Variants in NECTIN2 observed in about 807,000 individuals in gnomAD.
NECTIN2 encodes nectin cell adhesion molecule 2, also known as nectin-2.
In NECTIN2, 23 loss-of-function variants were observed where a neutral mutation model predicts 56.9. The observed-to-expected ratio is 0.40, with a 90% CI of 0.29 to 0.57. The LOEUF (loss-of-function observed/expected upper bound fraction) is 0.57. Among genes scored for constraint, NECTIN2 ranks in the 20% least tolerant of loss-of-function variants. The pLI, the probability that NECTIN2 is intolerant of heterozygous loss-of-function variation, is 0.38. For missense variants in NECTIN2, 587 were observed against 718.3 expected (o/e 0.82, Z 2.09); for synonymous variants, 302 against 313.8 (o/e 0.96, Z 0.40).
At chr19:44,849,592 G>A (rs1968877333) in intron 1 of NECTIN2, among the ~76,000 whole-genome samples, 2 of 152,218 alleles carry the variant, frequency 1.3e-5, no homozygotes, top group Non-Finnish European at 2.9e-5. Context: ...GACCCAGCAA[G>A]ATGGGCCAGG....
intron 1 of NECTIN2, among the ~76,000 whole-genome samples, chr19:44,861,930 G>C (rs964467618): frequency 1.3e-5 from 2 of 152,200 alleles, no homozygotes; most frequent in African/African-American, 4.8e-5. Context: ...TATGAAGACA[G>C]TATGGCGATT....
Position 44,865,680 on chromosome 19 carries a change from G to A in NECTIN2, c.478+20G>A, listed in dbSNP as rs1324443913. ...TCATAGGTGAGCAGGGTAAGGGCGG[G>A]AGGCAAGGAGGTGGGAGGGCCGCGG... On this transcript the variant is annotated intron_variant, in intron 2 of 8. Transcript: ENST00000252483. The surrounding 1 kb of genome is among the most constrained non-coding windows in gnomAD (Gnocchi z 5.2). The A allele has an allele frequency of 6.7e-7, 1 of 1,492,970 alleles. No homozygotes were observed. The highest frequency in any genetic ancestry group is 2.1e-5 in the Admixed American group (1 of 47,730). The allele number at this position is 1,492,970 out of a possible 1,614,324, so 92.5% of individuals were successfully genotyped here.
In NECTIN2 at chr19:44,846,360, G is replaced by C; in HGVS notation, c.-166G>C. 1.2e-6 allele frequency: 1 copy of C among 840,034 alleles called. No individual in the cohort carries two copies. The highest frequency in any genetic ancestry group is 1.7e-6 in the Non-Finnish European group (1 of 603,324). 52.0% of individuals were successfully genotyped at this position (840,034 alleles called of 1,614,324 possible). The stretch of plus-strand genomic sequence containing the variant: ...AGGCCGGGGGTGCCGAGCCGGGCGG[G>C]GAGAGCTGGGCCGGGAGAGCAGAAC... On this transcript the variant is annotated 5_prime_UTR_variant, in exon 1 of 9. Coordinates refer to ENST00000252483, the MANE Select transcript of NECTIN2 (RefSeq NM_001042724.2).
At chr19:44,867,125 TCTC>T (rs750218482) in intron 2 of NECTIN2, among the ~76,000 whole-genome samples, 3 of 151,890 alleles carry the variant, frequency 2.0e-5, no homozygotes, top group Non-Finnish European at 4.4e-5. Context: ...TTCAACCAAT[TCTC>T]CTGCCTCAGC....
intron 1 of NECTIN2, among the ~76,000 whole-genome samples, chr19:44,850,682 A>AG (rs2122625814): frequency 6.6e-6 from 1 of 151,656 alleles, no homozygotes; most frequent in South Asian, 2.1e-4. Flanking sequence ...AGAGGAGGCC[A>AG]GGGGGCAGGT....
At chr19:44,870,264 G>A (rs767688253) in intron 2 of NECTIN2, among the ~76,000 whole-genome samples, 2 of 152,186 alleles carry the variant, frequency 1.3e-5, no homozygotes, top group Non-Finnish European at 2.9e-5. Context: ...ATGGGGAAGT[G>A]GTGGGCTCGG....
intron 1 of NECTIN2, among the ~76,000 whole-genome samples, chr19:44,858,736 G>A (rs553269044): frequency 1.4e-4 from 22 of 151,988 alleles, no homozygotes; most frequent in South Asian, 4.2e-4. Context: ...TCCACCTCCC[G>A]GGTTCAAGCA....
At chr19:44,846,718 GC>G in intron 1 of NECTIN2, 105 bp downstream of exon 1, 1 of 1,270,392 alleles carries the variant, frequency 7.9e-7, no homozygotes, top group Non-Finnish European at 1.0e-6. Flanking sequence ...GGCTCCCCGA[GC>G]CCCCTCTCGC....
chr19:44,885,958 CA>C lies in NECTIN2; in HGVS notation c.1220del (p.Lys407SerfsTer88). On this transcript the variant is annotated frameshift_variant, in exon 7 of 9. Coordinates refer to ENST00000252483, the MANE Select transcript of NECTIN2 (RefSeq NM_001042724.2). LOFTEE classifies it high-confidence loss of function. ...DEDLEGPPSY[K>X]PPTPKAKLEA... ...ACAGCCTGGAGGGACCTCCCTCCTA[CA>C]AGCCACCGACCCCAAAAGCGAAGCT... 6.3e-7 allele frequency: 1 copy of C among 1,598,660 alleles called. No homozygotes were observed. The highest frequency in any genetic ancestry group is 8.6e-7 in the Non-Finnish European group (1 of 1,166,058).
At position 44,865,493 on chromosome 19, in the gene NECTIN2, C is replaced by T; in HGVS notation, c.311C>T (p.Ser104Phe). 6.2e-7 allele frequency: 1 copy of T among 1,608,180 alleles called. No individual in the cohort carries two copies. Among genetic ancestry groups the T allele is most frequent in the South Asian group, 1.1e-5 (1 of 90,316 alleles). The change falls in exon 2 of 9, where the codon TCC becomes TTC. Residue 104 changes from serine (S) to phenylalanine (F), a missense_variant. By Grantham distance (155) the Ser-to-Phe change is radical (BLOSUM62 -2). Coordinates refer to ENST00000252483, the MANE Select transcript of NECTIN2 (RefSeq NM_001042724.2). The surrounding 1 kb of genome is among the most constrained non-coding windows in gnomAD (Gnocchi z 5.2). Reference sequence around the variant, plus strand: ...CCGAAGCCTGGCAGCGAGCGGCTGTCCTTCGTCTCTGCCAAGCAGAGCACT... The same window carrying T: ...CCGAAGCCTGGCAGCGAGCGGCTGTTCTTCGTCTCTGCCAAGCAGAGCACT... ...PSPKPGSERL[S>F]FVSAKQSTGQ...
At chr19:44,871,708 C>T (rs1402430639) in intron 2 of NECTIN2, 145 bp from the exon 3 acceptor site, 16 of 904,488 alleles carry the variant, frequency 1.8e-5, no homozygotes, top group Non-Finnish European at 2.5e-5. Flanking sequence ...TGCAAAACCA[C>T]TTATCCCAAG....
chr19:44,862,648 C>G (rs1969046635), intron 1 of NECTIN2, among the ~76,000 whole-genome samples: 1 of 151,966 alleles, frequency 6.6e-6, no homozygotes. Context: ...ACAGCAGATA[C>G]ACAAAGATTG....
chr19:44,857,022 G>A (rs1968973059), intron 1 of NECTIN2, among the ~76,000 whole-genome samples: 1 of 152,156 alleles, frequency 6.6e-6, no homozygotes, highest in Non-Finnish European at 1.5e-5. Context: ...GACCCTGGAG[G>A]GTGGCTGAAA....
At chr19:44,853,547 G>C (rs1968927390) in intron 1 of NECTIN2, among the ~76,000 whole-genome samples, 1 of 148,272 alleles carries the variant, frequency 6.7e-6, no homozygotes, top group Non-Finnish European at 1.5e-5. Context: ...GGAGTGCAGT[G>C]CTGCAATCTC....
At chr19:44,862,423 A>T (rs1194590608) in intron 1 of NECTIN2, among the ~76,000 whole-genome samples, 1 of 109,334 alleles carries the variant, frequency 9.1e-6, no homozygotes, top group Non-Finnish European at 1.9e-5. Flanking sequence ...TCAAAAAAAA[A>T]AAAGAAAAGA....
intron 1 of NECTIN2, among the ~76,000 whole-genome samples, chr19:44,852,695 A>G (rs1176908503): frequency 6.6e-6 from 1 of 152,104 alleles, no homozygotes; most frequent in Non-Finnish European, 1.5e-5. Context: ...AGACCAGGGC[A>G]GGGACTGGGG....
chr19:44,878,613 A>G (rs1431355538), intron 5 of NECTIN2: 2 of 1,595,562 alleles, frequency 1.3e-6, no homozygotes, highest in Non-Finnish European at 1.7e-6. Flanking sequence ...CGGGCAGTTT[A>G]TGTGTGACCT....
chr19:44,854,025 G>C (rs973017857), intron 1 of NECTIN2, among the ~76,000 whole-genome samples: 1 of 152,084 alleles, frequency 6.6e-6, no homozygotes, highest in Non-Finnish European at 1.5e-5. Context: ...GTCAACCAGG[G>C]AGGGGAGAGG....
In NECTIN2 at chr19:44,846,325, G is replaced by A; in HGVS notation, c.-201G>A. On this transcript the variant is annotated 5_prime_UTR_variant, in exon 1 of 9. Coordinates refer to ENST00000252483, the MANE Select transcript of NECTIN2 (RefSeq NM_001042724.2). ...ACGTCAGCGGGTTCGAACCGCCGGA[G>A]CTGAGCGAGAGGCCGGGGGTGCCGA... 1 of 557,404 alleles carries A rather than the reference G, an allele frequency of 1.8e-6. No homozygotes were observed. The allele number at this position is 557,404 out of a possible 1,614,324, so 34.5% of individuals were successfully genotyped here.
Sources: allele counts gnomAD v4.1 joint callset (sites outside exome capture counted in the v4.1 genomes callset), GRCh38; gene constraint gnomAD v4.1.1; non-coding constraint Gnocchi (gnomAD v3.1); transcripts MANE v1.5; gene names NCBI Gene and HGNC (gene_info 2026-07-23, HGNC 2026-07-21).